Variants in NRL observed in about 807,000 individuals in gnomAD.
NRL encodes the protein neural retina-specific leucine zipper protein.
NRL carries 16 observed loss-of-function variants against 12.5 expected under a neutral mutation model. The observed-to-expected ratio is 1.28, with a 90% CI of 0.87 to 1.95. The LOEUF is 1.95. Ranked by LOEUF, NRL falls within the 30% of genes most tolerant of loss-of-function variation. NRL has a pLI of 0.00. For missense variants in NRL, 314 were observed against 325.8 expected, an observed-to-expected ratio of 0.96 and a Z score of 0.28; for synonymous variants, 142 against 150.9, an observed-to-expected ratio of 0.94 and a Z score of 0.43.
intron 1 of NRL, chr14:24,103,770 C>T: frequency 6.2e-7 from 1 of 1,614,166 alleles, no homozygotes; most frequent in Non-Finnish European, 8.5e-7. Context: ...TGGGCTGGTG[C>T]CAAAGGAAGG....
intron 1 of NRL, among the ~76,000 whole-genome samples, chr14:24,111,641 A>G (rs2037421847): frequency 6.6e-6 from 1 of 152,060 alleles, no homozygotes; most frequent in African/African-American, 2.4e-5. Context: ...TGCTGGGATT[A>G]CAGGCGTGAG....
chr14:24,096,228 CTTTTTTTTTTTTTTTT>C (rs34592767), intron 1 of NRL, among the ~76,000 whole-genome samples: 40 of 58,882 alleles, frequency 6.8e-4, no homozygotes, highest in African/African-American at 2.1e-3. Context: ...CTACTCATTT[CTTTTTTTTTTTTTTTT>C]TTTTTTTTTT....
chr14:24,090,284 C>CGG (rs1198592711), intron 1 of NRL, among the ~76,000 whole-genome samples: 3 of 7,948 alleles, frequency 3.8e-4, no homozygotes, highest in Non-Finnish European at 9.4e-4. Flanking sequence ...GGGGGGGGCA[C>CGG]GGGGGGGGAC....
At chr14:24,104,172 C>T in intron 1 of NRL, 1 of 573,384 alleles carries the variant, frequency 1.7e-6, no homozygotes, top group Non-Finnish European at 3.1e-6. Context: ...TCACAGGCTT[C>T]CCTCTAACAC....
At position 24,100,337 on chromosome 14, in the gene NRL, T is replaced by C. The variant is rs957187661; in HGVS notation, c.-28+14385A>G. On this transcript the variant is annotated intron_variant, in intron 1 of 2. Coordinates refer to ENST00000561028, the MANE Select transcript of NRL (RefSeq NM_001354768.3). ...CAGGAGGCACAGAAGTCATGAACGTTTGCAGTTTCCAGTCCCAGGCAAAAT... is the reference window on the plus strand; with the variant it reads ...CAGGAGGCACAGAAGTCATGAACGTCTGCAGTTTCCAGTCCCAGGCAAAAT... 2.7e-6 allele frequency: 4 copies of C among 1,493,198 alleles called. No homozygotes were observed. The African/African-American group carries it at 5.6e-5, about 21-fold the overall frequency. 92.5% of individuals were successfully genotyped at this position (1,493,198 alleles called of 1,614,324 possible).
chr14:24,098,357 G>A (rs780235402), intron 1 of NRL: 4 of 1,613,478 alleles, frequency 2.5e-6, no homozygotes, highest in East Asian at 2.2e-5. Context: ...CCAGCGAGCT[G>A]TGGATGAGAG....
intron 1 of NRL, among the ~76,000 whole-genome samples, chr14:24,090,311 G>A (rs1207685248): frequency 6.7e-6 from 1 of 148,164 alleles, no homozygotes; most frequent in Admixed American, 6.8e-5. Flanking sequence ...AGAAAGAGTA[G>A]CAGGACCCAA....
At chr14:24,098,715 CCTT>C (rs766080209) in intron 1 of NRL, 1 of 1,553,592 alleles carries the variant, frequency 6.4e-7, no homozygotes, top group South Asian at 1.1e-5. Context: ...AACACAGAGG[CCTT>C]CTTGTACTCA....
chr14:24,096,395 C>T (rs1056049519), intron 1 of NRL, among the ~76,000 whole-genome samples: 1 of 151,990 alleles, frequency 6.6e-6, no homozygotes, highest in African/African-American at 2.4e-5. Context: ...CACGCCACCA[C>T]ATCCGGCTAA....
intron 1 of NRL, among the ~76,000 whole-genome samples, chr14:24,084,321 G>A (rs1218161692): frequency 6.6e-6 from 1 of 152,200 alleles, no homozygotes; most frequent in Non-Finnish European, 1.5e-5. Context: ...AGAAAGAACT[G>A]GATGTACAGA....
In NRL at chr14:24,094,647, C is replaced by T. The variant is rs2036775699; in HGVS notation, c.-27-11772G>A. ...CTCCTCGTTTCCGCCTGCACCTCCCCTTCTCTGCCTCGCTCGCCTCTGACC... is the reference window on the plus strand; with the variant it reads ...CTCCTCGTTTCCGCCTGCACCTCCCTTTCTCTGCCTCGCTCGCCTCTGACC... On this transcript the variant is annotated intron_variant, in intron 1 of 2. Transcript: ENST00000561028. This position sits in a 1 kb window ranked among gnomAD's most constrained non-coding sequence, Gnocchi z 4.1. 37 of 1,492,456 alleles carry T rather than the reference C, an allele frequency of 2.5e-5. No homozygotes were observed. Among genetic ancestry groups the T allele is most frequent in the Non-Finnish European group, 3.3e-5 (37 of 1,122,372 alleles). 92.5% of individuals were successfully genotyped at this position (1,492,456 alleles called of 1,614,324 possible).
At chr14:24,092,066 G>A (rs2036647697) in intron 1 of NRL, among the ~76,000 whole-genome samples, 1 of 152,174 alleles carries the variant, frequency 6.6e-6, no homozygotes, top group Admixed American at 6.5e-5. Context: ...ATATAGTTGT[G>A]AAACAGAATG....
intron 1 of NRL, among the ~76,000 whole-genome samples, chr14:24,096,302 G>C (rs896548411): frequency 8.3e-6 from 1 of 119,772 alleles, no homozygotes; most frequent in Non-Finnish European, 1.6e-5. Flanking sequence ...GCAGTGTCCC[G>C]ATCTCGGCTC....
intron 1 of NRL, chr14:24,099,138 G>C: frequency 6.2e-7 from 1 of 1,611,976 alleles, no homozygotes; most frequent in Non-Finnish European, 8.5e-7. Flanking sequence ...CTTCGGCAGC[G>C]GCTATGGTGG....
intron 1 of NRL, chr14:24,099,731 C>T: frequency 1.2e-6 from 2 of 1,610,752 alleles, no homozygotes; most frequent in Non-Finnish European, 1.7e-6. Flanking sequence ...GTGAGGGACT[C>T]TCAGATCATA....
intron 1 of NRL, chr14:24,093,253 A>ATAGATATGCTGAG (rs2036692326): frequency 6.6e-6 from 1 of 152,308 alleles, no homozygotes; most frequent in Non-Finnish European, 1.5e-5. Flanking sequence ...GCTATATAGC[A>ATAGATATGCTGAG]TTGTGGGTGA....
At position 24,094,266 on chromosome 14, in the gene NRL, G is replaced by C; in HGVS notation, c.-27-11391C>G. 1 of 792,198 alleles carries C rather than the reference G, an allele frequency of 1.3e-6. No individual in the cohort carries two copies. The highest frequency in any genetic ancestry group is 2.0e-6 in the Non-Finnish European group (1 of 502,248). 49.1% of individuals were successfully genotyped at this position (792,198 alleles called of 1,614,324 possible). Reference sequence around the variant, plus strand: ...GCCAGCCCTACCAGGTTCCGCCCCCGCGCCTGCCCCCCTCCTTTTTAAGCG... The same window carrying C: ...GCCAGCCCTACCAGGTTCCGCCCCCCCGCCTGCCCCCCTCCTTTTTAAGCG... On this transcript the variant is annotated intron_variant, in intron 1 of 2. Coordinates refer to ENST00000561028, the MANE Select transcript of NRL (RefSeq NM_001354768.3). This position sits in a 1 kb window ranked among gnomAD's most constrained non-coding sequence, Gnocchi z 4.1.
At chr14:24,103,361 G>GC (rs1341058432) in intron 1 of NRL, 6 of 1,143,828 alleles carry the variant, frequency 5.2e-6, no homozygotes, top group Non-Finnish European at 5.2e-6. Flanking sequence ...GTCTGATATG[G>GC]CCCCACCTCT....
At chr14:24,104,024 C>A in intron 1 of NRL, 1 of 1,258,030 alleles carries the variant, frequency 7.9e-7, no homozygotes, top group Non-Finnish European at 1.1e-6. Context: ...GGGAAGGCAC[C>A]TTGCAGAAAA....
Sources: allele counts gnomAD v4.1 joint callset (sites outside exome capture counted in the v4.1 genomes callset), GRCh38; gene constraint gnomAD v4.1.1; non-coding constraint Gnocchi (gnomAD v3.1); transcripts MANE v1.5; gene names NCBI Gene and HGNC (gene_info 2026-07-23, HGNC 2026-07-21).